CSRNP3: variants seen among roughly 807,000 people sequenced by gnomAD.
The protein encoded by CSRNP3 is cysteine and serine rich nuclear protein 3.
A neutral mutation model predicts 48.0 loss-of-function variants in CSRNP3; 12 were observed. The ratio of observed to expected loss-of-function variants is 0.25; its 90% CI spans 0.16 to 0.41. CSRNP3 has a LOEUF of 0.41. Among genes scored for constraint, CSRNP3 ranks in the 10% least tolerant of loss-of-function variants. The pLI, the probability that CSRNP3 is intolerant of heterozygous loss-of-function variation, is 1.00. For missense variants in CSRNP3, 580 were observed against 724.4 expected, an observed-to-expected ratio of 0.80 and a Z score of 2.29; for synonymous variants, 263 against 269.7, an observed-to-expected ratio of 0.98 and a Z score of 0.24.
chr2:165,484,048 A>G (rs1211750910), intron 1 of CSRNP3, among the ~76,000 whole-genome samples: 6 of 152,246 alleles, frequency 3.9e-5, no homozygotes, highest in Non-Finnish European at 8.8e-5. Context: ...ATATGTCTCA[A>G]AATGAATTAT....
intron 3 of CSRNP3, among the ~76,000 whole-genome samples, chr2:165,565,997 A>G (rs1393463864): frequency 1.3e-5 from 2 of 151,938 alleles, no homozygotes; most frequent in Non-Finnish European, 2.9e-5. Context: ...GTTAACTGTG[A>G]CAGACAGAAT....
rs779651317 is a variant in CSRNP3, at chr2:165,676,521, C to T, written c.618C>T (p.Arg206=). 2 of 1,614,120 alleles carry T rather than the reference C, an allele frequency of 1.2e-6. No individual in the cohort carries two copies. The highest frequency in any genetic ancestry group is 4.5e-5 in the East Asian group (2 of 44,856). ...VEEKHELRAI[R]LSREDCGCDC... The stretch of plus-strand genomic sequence containing the variant: ...AAAAGCACGAACTCCGAGCCATCCG[C>T]CTCTCACGAGAGGACTGTGGCTGTG... The change falls in exon 6 of 7, where the codon CGC becomes CGT. Residue 206 remains arginine (R), a synonymous_variant. Coordinates refer to ENST00000651982, the MANE Select transcript of CSRNP3 (RefSeq NM_001172173.2).
intron 6 of CSRNP3, among the ~76,000 whole-genome samples, chr2:165,677,597 A>T (rs78068195): frequency 6.6e-6 from 1 of 152,092 alleles, no homozygotes; most frequent in East Asian, 1.9e-4. Context: ...AAAAAAAAAA[A>T]AATACAGATA....
At chr2:165,635,243 C>G (rs1686608044) in intron 4 of CSRNP3, among the ~76,000 whole-genome samples, 1 of 152,184 alleles carries the variant, frequency 6.6e-6, no homozygotes, top group Non-Finnish European at 1.5e-5. Context: ...TGACTGAGAT[C>G]ATAGTGGAGA....
chr2:165,605,066 G>A (rs1302888312), intron 4 of CSRNP3, among the ~76,000 whole-genome samples: 2 of 152,146 alleles, frequency 1.3e-5, no homozygotes. Context: ...GCAGGAAAGA[G>A]CCTTCCAGAC....
At chr2:165,614,160 T>G (rs1017686366) in intron 4 of CSRNP3, among the ~76,000 whole-genome samples, 7 of 152,128 alleles carry the variant, frequency 4.6e-5, no homozygotes, top group African/African-American at 1.2e-4. Flanking sequence ...TCTTACAATG[T>G]GTTAGATTTA....
chr2:165,498,764 G>A (rs745630308), intron 2 of CSRNP3, among the ~76,000 whole-genome samples: 2 of 152,090 alleles, frequency 1.3e-5, no homozygotes, highest in Non-Finnish European at 2.9e-5. Flanking sequence ...TAATGGTGCT[G>A]TCGCTCACAT....
At chr2:165,521,910 T>C (rs936796215) in intron 3 of CSRNP3, among the ~76,000 whole-genome samples, 2 of 152,112 alleles carry the variant, frequency 1.3e-5, no homozygotes, top group African/African-American at 4.8e-5. Flanking sequence ...CAGCCCTAAC[T>C]TCTATAATCT....
At position 165,679,071 on chromosome 2, in the gene CSRNP3, C is replaced by G. The variant is rs764790234; in HGVS notation, c.1076C>G (p.Ser359Cys). 6.2e-7 allele frequency: 1 copy of G among 1,613,628 alleles called. No individual in the cohort carries two copies. The highest frequency in any genetic ancestry group is 8.5e-7 in the Non-Finnish European group (1 of 1,179,820). ...AGCTTTTGCAGCGGAGTCACAGATT[C>G]TAGCACGCAAAGCTTGGCACCTAGT... ...GSSFCSGVTD[S>C]STQSLAPSES... Residue 359 changes from serine to cysteine, a missense_variant, in exon 7 of 7, where the codon TCT becomes TGT. Coordinates refer to ENST00000651982, the MANE Select transcript of CSRNP3 (RefSeq NM_001172173.2).
chr2:165,471,091 G>GA (rs1287685307), intron 1 of CSRNP3, among the ~76,000 whole-genome samples: 3 of 151,802 alleles, frequency 2.0e-5, no homozygotes, highest in Non-Finnish European at 4.4e-5. Context: ...AAATGAGTGA[G>GA]AAAATTGCTG....
intron 4 of CSRNP3, among the ~76,000 whole-genome samples, chr2:165,650,166 A>G (rs1235394859): frequency 3.3e-5 from 5 of 152,180 alleles, no homozygotes; most frequent in Admixed American, 1.3e-4. Flanking sequence ...TAAACAATGT[A>G]TTACTAAATA....
intron 3 of CSRNP3, among the ~76,000 whole-genome samples, chr2:165,536,831 C>T (rs1468134190): frequency 6.6e-6 from 1 of 151,664 alleles, no homozygotes; most frequent in Non-Finnish European, 1.5e-5. Context: ...TGCAGGATAA[C>T]AAGATTTTAA....
chr2:165,623,202 C>A (rs190009060), intron 4 of CSRNP3, among the ~76,000 whole-genome samples: 3 of 152,232 alleles, frequency 2.0e-5, no homozygotes, highest in Admixed American at 1.3e-4. Context: ...GGGTGCCCAA[C>A]CCCTGGGCCA....
At chr2:165,670,557 T>G (rs1381815157) in intron 5 of CSRNP3, among the ~76,000 whole-genome samples, 1 of 152,240 alleles carries the variant, frequency 6.6e-6, no homozygotes, top group Non-Finnish European at 1.5e-5. Flanking sequence ...ACTTGCAATC[T>G]TGGGCAAATT....
chr2:165,618,715 T>TA (rs1226881683), intron 4 of CSRNP3, among the ~76,000 whole-genome samples: 1 of 152,226 alleles, frequency 6.6e-6, no homozygotes, highest in African/African-American at 2.4e-5. Context: ...GGAAGGATTA[T>TA]AGAGCGCTAG....
chr2:165,597,742 G>A (rs1304545233), intron 4 of CSRNP3, among the ~76,000 whole-genome samples: 1 of 151,920 alleles, frequency 6.6e-6, no homozygotes, highest in Admixed American at 6.6e-5. Flanking sequence ...AGATAAACAC[G>A]AAGACACACA....
chr2:165,511,388 A>C (rs1684504049), intron 2 of CSRNP3, among the ~76,000 whole-genome samples: 1 of 152,182 alleles, frequency 6.6e-6, no homozygotes, highest in South Asian at 2.1e-4. Flanking sequence ...AAATGGGCAT[A>C]ATCTAGTAAA....
At chr2:165,541,332 C>A (rs1684954957) in intron 3 of CSRNP3, among the ~76,000 whole-genome samples, 1 of 151,556 alleles carries the variant, frequency 6.6e-6, no homozygotes, top group African/African-American at 2.4e-5. Flanking sequence ...TTGTTTTATT[C>A]TTTACTCGAT....
intron 4 of CSRNP3, among the ~76,000 whole-genome samples, chr2:165,640,043 T>C (rs1686698543): frequency 1.3e-5 from 2 of 152,218 alleles, no homozygotes. Flanking sequence ...AAAACTCTTA[T>C]CATGTGGGGC....
Sources: allele counts gnomAD v4.1 joint callset (sites outside exome capture counted in the v4.1 genomes callset), GRCh38; gene constraint gnomAD v4.1.1; transcripts MANE v1.5; gene names NCBI Gene and HGNC (gene_info 2026-07-23, HGNC 2026-07-21).